SERPINB8: variants seen among roughly 807,000 people sequenced by gnomAD.
SERPINB8 encodes serpin family B member 8, also known as serpin B8.
A neutral mutation model predicts 35.3 loss-of-function variants in SERPINB8; 25 were observed. That is an observed-to-expected ratio of 0.71 (90% CI 0.52 to 0.99). The LOEUF (loss-of-function observed/expected upper bound fraction) is 0.99, where lower values mean the gene tolerates loss of function less well. Among genes scored for constraint, SERPINB8 ranks in the 50% least tolerant of loss-of-function variants. The pLI, the probability that SERPINB8 is intolerant of heterozygous loss-of-function variation, is 0.00. For missense variants in SERPINB8, 484 were observed against 446.5 expected, an observed-to-expected ratio of 1.08 and a Z score of -0.76; for synonymous variants, 186 against 160.8, an observed-to-expected ratio of 1.16 and a Z score of -1.19.
intron 3 of SERPINB8, among the ~76,000 whole-genome samples, chr18:63,981,073 G>A (rs1225151329): frequency 6.6e-6 from 1 of 152,164 alleles, no homozygotes; most frequent in Admixed American, 6.6e-5. Flanking sequence ...ACACATGCAG[G>A]TGCCCAAGCA....
intron 1 of SERPINB8, among the ~76,000 whole-genome samples, chr18:63,994,976 C>T (rs587274): frequency 4.0e-5 from 6 of 151,892 alleles, no homozygotes; most frequent in African/African-American, 7.3e-5. Context: ...GATGACTATC[C>T]GGCGCCCTCT....
chr18:64,012,091 T>C (rs1202710284), intron 7 of SERPINB8, among the ~76,000 whole-genome samples: 1 of 152,184 alleles, frequency 6.6e-6, no homozygotes, highest in Non-Finnish European at 1.5e-5. Context: ...AGAGTCAGAC[T>C]GAATATGTTT....
intron 6 of SERPINB8, 68 bp from the exon 7 acceptor site, chr18:63,986,806 A>G (rs1432670436): frequency 1.4e-6 from 2 of 1,459,242 alleles, no homozygotes; most frequent in Non-Finnish European, 1.8e-6. Context: ...GGGAGGGGTA[A>G]TAAATGGGTG....
downstream of SERPINB8, among the ~76,000 whole-genome samples, chr18:63,991,432 T>C (rs1164815878): frequency 6.6e-6 from 1 of 151,702 alleles, no homozygotes; most frequent in African/African-American, 2.4e-5. Context: ...CTGGCACAAA[T>C]TTTGTCAGAT....
At chr18:64,006,845 T>C (rs1389787553), downstream of SERPINB8, among the ~76,000 whole-genome samples, 1 of 152,152 alleles carries the variant, frequency 6.6e-6, no homozygotes, top group African/African-American at 2.4e-5. Flanking sequence ...AAATGGAACT[T>C]CATGGGAATT....
rs773361552 is a variant in SERPINB8 at position 63,983,654 on chromosome 18, T to A, written c.500T>A (p.Phe167Tyr). Reference protein sequence around the residue: ...TKLVLVNAIYFKGKWNEQFDR... With the variant: ...TKLVLVNAIYYKGKWNEQFDR... The stretch of plus-strand genomic sequence containing the variant: ...CTGGTCCTTGTGAATGCCATTTATT[T>A]CAAGGGAAAGTGGAATGAGCAATTT... The change falls in exon 5 of 7, where the codon TTC (phenylalanine) becomes TAC (tyrosine). Residue 167 changes from phenylalanine (F) to tyrosine (Y), a missense_variant. Physicochemically the swap from Phe to Tyr is conservative, Grantham distance 22. Coordinates refer to ENST00000397985, the MANE Select transcript of SERPINB8 (RefSeq NM_002640.4). 4 of 1,613,890 alleles carry A rather than the reference T, an allele frequency of 2.5e-6. No individual in the cohort carries two copies. In the South Asian group the frequency reaches 4.4e-5, roughly 18 times the overall value.
At chr18:64,008,933 A>G (rs562896685), downstream of SERPINB8, among the ~76,000 whole-genome samples, 4 of 152,270 alleles carry the variant, frequency 2.6e-5, no homozygotes, top group East Asian at 7.7e-4. Flanking sequence ...GACCTAGCTC[A>G]TAGAGTTGTC....
intron 7 of SERPINB8, among the ~76,000 whole-genome samples, chr18:64,011,970 A>G (rs1204853469): frequency 6.6e-6 from 1 of 152,188 alleles, no homozygotes; most frequent in Non-Finnish European, 1.5e-5. Flanking sequence ...ATGTTTGGTG[A>G]CAGTTAGAAG....
At chr18:63,983,435 C>T (rs1409703931) in intron 4 of SERPINB8, 144 bp from the exon 5 acceptor site, 7 of 716,002 alleles carry the variant, frequency 9.8e-6, no homozygotes, top group East Asian at 2.6e-5. Context: ...CTGCTAAACA[C>T]CATCGCCTAA....
intron 2 of SERPINB8, among the ~76,000 whole-genome samples, chr18:63,979,549 C>T (rs2050636271): frequency 6.6e-6 from 1 of 152,094 alleles, no homozygotes; most frequent in South Asian, 2.1e-4. Flanking sequence ...AGAGGTGCTA[C>T]TGACATCTAG....
intron 7 of SERPINB8, among the ~76,000 whole-genome samples, chr18:64,014,032 G>T (rs1244615964): frequency 1.3e-5 from 2 of 152,160 alleles, no homozygotes; most frequent in African/African-American, 4.8e-5. Flanking sequence ...ACTTAAATTT[G>T]CAGTGTCTAA....
At chr18:63,991,914 G>A (rs2050826857), downstream of SERPINB8, among the ~76,000 whole-genome samples, 1 of 152,120 alleles carries the variant, frequency 6.6e-6, no homozygotes, top group South Asian at 2.1e-4. Context: ...TCTTTTAGAT[G>A]ATCATATGGT....
chr18:64,007,703 G>T (rs2050906565), downstream of SERPINB8, among the ~76,000 whole-genome samples: 1 of 152,170 alleles, frequency 6.6e-6, no homozygotes, highest in African/African-American at 2.4e-5. Context: ...AAGAGAGAAA[G>T]GGAGAGGTGC....
chr18:63,980,076 G>A (rs2050647090), intron 3 of SERPINB8, 138 bp downstream of exon 3: 24 of 805,856 alleles, frequency 3.0e-5, no homozygotes, highest in Middle Eastern at 3.7e-4. Context: ...TAGATTTTAT[G>A]ATGACTTCTG....
chr18:63,987,403 G>A lies in SERPINB8; in HGVS notation c.*125G>A. Reference sequence around the variant, plus strand: ...ATAAAGCGTGTGCACTGGATAGTGTGTGAAAGTCTTTGCTGAAAGTTCCAG... The same window carrying A: ...ATAAAGCGTGTGCACTGGATAGTGTATGAAAGTCTTTGCTGAAAGTTCCAG... On this transcript the variant is annotated 3_prime_UTR_variant, in exon 7 of 7. Coordinates refer to ENST00000397985, the MANE Select transcript of SERPINB8 (RefSeq NM_002640.4). The A allele has an allele frequency of 9.9e-7, 1 of 1,009,568 alleles. No individual in the cohort carries two copies. Among genetic ancestry groups the A allele is most frequent in the Non-Finnish European group, 1.4e-6 (1 of 689,692 alleles). 62.5% of individuals were successfully genotyped at this position (1,009,568 alleles called of 1,614,324 possible). A position where few individuals can be genotyped will look rare whatever the true frequency, so the allele number is the denominator to read the frequency against.
intron 7 of SERPINB8, among the ~76,000 whole-genome samples, chr18:64,017,369 C>A (rs1444820324): frequency 1.3e-5 from 2 of 152,000 alleles, no homozygotes; most frequent in Non-Finnish European, 2.9e-5. Flanking sequence ...CAAGCGTTTC[C>A]TATGAGGGTA....
chr18:63,992,151 A>G (rs1053892681), downstream of SERPINB8, among the ~76,000 whole-genome samples: 3 of 152,190 alleles, frequency 2.0e-5, no homozygotes, highest in Non-Finnish European at 4.4e-5. Context: ...GTCTCAAAGA[A>G]TGAGTTGAGA....
exon 8 of SERPINB8, chr18:64,019,320 G>A (rs2050965133): frequency 6.6e-6 from 1 of 152,232 alleles, no homozygotes; most frequent in African/African-American, 2.4e-5. Flanking sequence ...TACTTGTACT[G>A]TGTGTACTGA....
chr18:64,002,095 G>C (rs533365772), intron 1 of SERPINB8, among the ~76,000 whole-genome samples: 2 of 152,154 alleles, frequency 1.3e-5, no homozygotes, highest in South Asian at 4.1e-4. Flanking sequence ...AGCCCGCCCT[G>C]CCTCTGAACC....
Sources: gnomAD v4.1 joint callset for allele counts (sites outside exome capture counted in the v4.1 genomes callset) on GRCh38, gnomAD v4.1.1 for gene constraint, MANE v1.5 for transcripts, NCBI Gene and HGNC (gene_info 2026-07-23, HGNC 2026-07-21) for gene names.